The following APP variants were observed in gnomAD, a reference collection of about 807,000 sequenced individuals.
APP encodes amyloid beta precursor protein, also known as amyloid-beta precursor protein.
Under a neutral mutation model 101.4 loss-of-function variants are expected in APP, and 31 were observed. The ratio of observed to expected loss-of-function variants is 0.31; its 90% CI spans 0.23 to 0.41. The LOEUF is 0.41. Ranked by LOEUF, APP falls within the 10% of genes least tolerant of loss-of-function variation. The pLI is 1.00. For missense variants in APP, 839 were observed against 1,003.7 expected, an observed-to-expected ratio of 0.84 and a Z score of 2.22; for synonymous variants, 366 against 364.4, an observed-to-expected ratio of 1.00 and a Z score of -0.05.
intron 2 of APP, among the ~76,000 whole-genome samples, chr21:26,108,172 T>C (rs748494188): frequency 1.3e-5 from 2 of 152,196 alleles, no homozygotes; most frequent in Non-Finnish European, 2.9e-5. Flanking sequence ...CAACTGCCTA[T>C]GGAACCTCAA....
intron 1 of APP, among the ~76,000 whole-genome samples, chr21:26,129,740 C>G (rs2062755209): frequency 6.6e-6 from 1 of 152,166 alleles, no homozygotes; most frequent in Non-Finnish European, 1.5e-5. Context: ...AAAGCCCACA[C>G]CCGAGGGGAG....
At chr21:26,093,122 C>G (rs1389958304) in intron 2 of APP, among the ~76,000 whole-genome samples, 1 of 152,170 alleles carries the variant, frequency 6.6e-6, no homozygotes, top group Non-Finnish European at 1.5e-5. Flanking sequence ...AGAAAATGCT[C>G]TAAAAATGCC....
At chr21:26,156,638 C>T (rs2063380902) in intron 1 of APP, among the ~76,000 whole-genome samples, 1 of 152,122 alleles carries the variant, frequency 6.6e-6, no homozygotes, top group Admixed American at 6.5e-5. Flanking sequence ...TGAAGCATAG[C>T]CAGTTATGAT....
intron 1 of APP, chr21:26,140,212 C>G (rs1286405523): frequency 4.6e-6 from 7 of 1,536,124 alleles, no homozygotes; most frequent in Non-Finnish European, 6.1e-6. Flanking sequence ...TGGGGAAGAG[C>G]TGGCTCCAAT....
intron 16 of APP, among the ~76,000 whole-genome samples, chr21:25,893,710 A>T (rs894840476): frequency 6.6e-6 from 1 of 152,260 alleles, no homozygotes; most frequent in African/African-American, 2.4e-5. Context: ...GGTTTAAGGG[A>T]AGAAGCCATC....
chr21:25,999,245 T>A (rs551249332), intron 7 of APP, among the ~76,000 whole-genome samples: 2 of 152,054 alleles, frequency 1.3e-5, no homozygotes, highest in Non-Finnish European at 2.9e-5. Flanking sequence ...TGAGCCAAGA[T>A]CACGCCATTG....
chr21:26,145,093 T>G (rs537246401), intron 1 of APP, among the ~76,000 whole-genome samples: 9 of 152,152 alleles, frequency 5.9e-5, no homozygotes, highest in African/African-American at 2.2e-4. Flanking sequence ...TTAGAGATGT[T>G]TTACGTGGAA....
intron 1 of APP, among the ~76,000 whole-genome samples, chr21:26,122,483 T>C (rs559712366): frequency 6.6e-6 from 1 of 152,216 alleles, no homozygotes; most frequent in Non-Finnish European, 1.5e-5. Context: ...GAGTACCCAC[T>C]AAGCTTGGAG....
At chr21:26,163,442 G>T (rs557627497) in intron 1 of APP, among the ~76,000 whole-genome samples, 46 of 152,098 alleles carry the variant, frequency 3.0e-4, no homozygotes, top group African/African-American at 1.0e-3. Context: ...CATTCATCAG[G>T]ATCCATTAAT....
At chr21:25,904,983 G>C (rs199540835) in intron 15 of APP, 41 bp downstream of exon 15, 4 of 1,583,416 alleles carry the variant, frequency 2.5e-6, no homozygotes, top group Non-Finnish European at 3.5e-6. Context: ...TCGAGCTTAG[G>C]CCCAAGATGC....
chr21:25,928,582 A>G (rs2040003075), intron 13 of APP, among the ~76,000 whole-genome samples: 1 of 152,160 alleles, frequency 6.6e-6, no homozygotes, highest in African/African-American at 2.4e-5. Context: ...CAATTATACT[A>G]AAACAAAAAG....
chr21:26,159,086 AT>A (rs879450285), intron 1 of APP, among the ~76,000 whole-genome samples: 3,183 of 147,038 alleles, frequency 0.022, 88 homozygotes, highest in African/African-American at 0.071. Context: ...AAGATAGTAA[AT>A]TTTTTTTTTT....
Position 26,151,352 on chromosome 21 carries a change from T to C in APP, c.57+19212A>G, listed in dbSNP as rs114601884. On this transcript the variant is annotated intron_variant, in intron 1 of 17. Transcript: ENST00000346798. ...GCTCCAGCTACATTTGCCTGTCAAA[T>C]GCAACAACTTACAGTTAAGCTTCTG... is the stretch of plus-strand genomic sequence containing the variant. Among the ~76,000 whole-genome samples, 545 of 152,264 alleles carry C rather than the reference T, an allele frequency of 3.6e-3. 2 individuals carry two copies. Among genetic ancestry groups the C allele is most frequent in the African/African-American group, 0.013 (530 of 41,540 alleles).
chr21:25,966,866 G>C (rs779865560), intron 11 of APP, among the ~76,000 whole-genome samples: 1 of 152,154 alleles, frequency 6.6e-6, no homozygotes, highest in Non-Finnish European at 1.5e-5. Context: ...ATATAGTGGC[G>C]AAAAATTTAT....
chr21:25,901,873 G>T (rs1313883880), intron 15 of APP, among the ~76,000 whole-genome samples: 1 of 152,164 alleles, frequency 6.6e-6, no homozygotes, highest in Non-Finnish European at 1.5e-5. Flanking sequence ...GACTGCAGAA[G>T]GGTGGTGATG....
At chr21:26,040,028 A>G (rs1601295250) in intron 5 of APP, among the ~76,000 whole-genome samples, 1 of 152,272 alleles carries the variant, frequency 6.6e-6, no homozygotes, top group East Asian at 1.9e-4. Context: ...CCATACATAT[A>G]AGATATGTTG....
At position 25,952,182 on chromosome 21, in the gene APP, TTACA is replaced by T. The variant is rs1044048008; in HGVS notation, c.1687+2404_1687+2407del. Among the ~76,000 whole-genome samples the T allele has an allele frequency of 3.2e-4, 40 of 124,932 alleles. 1 individual carries two copies. Among genetic ancestry groups the T allele is most frequent in the African/African-American group, 9.5e-4 (35 of 36,962 alleles). 82.0% of individuals were successfully genotyped at this position (124,932 alleles called of 152,430 possible). A position where few individuals can be genotyped will look rare whatever the true frequency, so the allele number is the denominator to read the frequency against. On this transcript the variant is annotated intron_variant, in intron 13 of 17. Transcript: ENST00000346798. ...AACTAATGGGTGGATTGAGAGCATA[TTACA>T]TACATACACACACACACACACACAC...
intron 9 of APP, among the ~76,000 whole-genome samples, chr21:25,976,942 A>G (rs931424278): frequency 6.6e-5 from 10 of 152,182 alleles, no homozygotes; most frequent in Admixed American, 3.9e-4. Flanking sequence ...TCCTTCCACC[A>G]TATATGATAC....
intron 2 of APP, 135 bp downstream of exon 2, chr21:26,111,844 T>C (rs2062331601): frequency 1.2e-6 from 1 of 858,144 alleles, no homozygotes; most frequent in Non-Finnish European, 2.0e-6. Flanking sequence ...AATATATTAA[T>C]GGTATGGTGA....
Sources: allele counts gnomAD v4.1 joint callset (sites outside exome capture counted in the v4.1 genomes callset), GRCh38; gene constraint gnomAD v4.1.1; transcripts MANE v1.5; gene names NCBI Gene and HGNC (gene_info 2026-07-23, HGNC 2026-07-21).